Variants in CFAP77 observed in about 807,000 individuals in gnomAD.
The protein encoded by CFAP77 is cilia and flagella associated protein 77.
CFAP77 carries 25 observed loss-of-function variants against 31.1 expected under a neutral mutation model. The ratio of observed to expected loss-of-function variants is 0.80; its 90% CI spans 0.59 to 1.12. The LOEUF is 1.12. CFAP77 is among the 50% of genes most tolerant of loss of function. CFAP77 has a pLI of 0.00. For missense variants in CFAP77, 377 were observed against 397.3 expected, an observed-to-expected ratio of 0.95 and a Z score of 0.44; for synonymous variants, 151 against 159.9, an observed-to-expected ratio of 0.94 and a Z score of 0.42.
chr9:132,529,622 C>G (rs542154223), intron 3 of CFAP77, among the ~76,000 whole-genome samples: 9 of 151,414 alleles, frequency 5.9e-5, no homozygotes, highest in Admixed American at 2.0e-4. Flanking sequence ...GTCAGGAGAT[C>G]GAGACCATCC....
chr9:132,519,574 AGATG>A (rs1226920030), intron 3 of CFAP77, among the ~76,000 whole-genome samples: 7,027 of 41,626 alleles, frequency 0.17, 556 homozygotes, highest in East Asian at 0.21. Context: ...ATGGATGGAT[AGATG>A]GATGGATGGA....
At chr9:132,524,564 A>C (rs1443703391) in intron 3 of CFAP77, among the ~76,000 whole-genome samples, 1 of 151,938 alleles carries the variant, frequency 6.6e-6, no homozygotes, top group East Asian at 2.0e-4. Context: ...AGTGAGCAGG[A>C]ATTGTGCCAC....
At chr9:132,446,631 C>G (rs569962485) in intron 1 of CFAP77, among the ~76,000 whole-genome samples, 12 of 150,610 alleles carry the variant, frequency 8.0e-5, no homozygotes, top group African/African-American at 2.4e-4. Context: ...GTCCCAGCTA[C>G]TTGGGAGGCT....
At chr9:132,566,299 G>A (rs1829883177) in intron 5 of CFAP77, among the ~76,000 whole-genome samples, 1 of 152,240 alleles carries the variant, frequency 6.6e-6, no homozygotes, top group Non-Finnish European at 1.5e-5. Context: ...CTTGAGTCTT[G>A]CAGCCCTGGG....
At chr9:132,514,260 C>T (rs1480503822) in intron 3 of CFAP77, among the ~76,000 whole-genome samples, 1 of 152,074 alleles carries the variant, frequency 6.6e-6, no homozygotes, top group Non-Finnish European at 1.5e-5. Flanking sequence ...GGAGACGCCC[C>T]TCCCCTGTGT....
At chr9:132,561,838 A>C (rs1230948737) in intron 5 of CFAP77, among the ~76,000 whole-genome samples, 2 of 152,206 alleles carry the variant, frequency 1.3e-5, no homozygotes, top group Admixed American at 6.5e-5. Context: ...GGCAGTAAGA[A>C]GGCAAGGAAA....
At chr9:132,531,628 G>T (rs79202857) in intron 3 of CFAP77, among the ~76,000 whole-genome samples, 19 of 144,832 alleles carry the variant, frequency 1.3e-4, no homozygotes, top group East Asian at 5.9e-4. Context: ...TAAGACATGG[G>T]GGGGGGGGCA....
At chr9:132,493,654 C>A (rs948086566) in intron 1 of CFAP77, among the ~76,000 whole-genome samples, 1 of 152,162 alleles carries the variant, frequency 6.6e-6, no homozygotes, top group Non-Finnish European at 1.5e-5. Flanking sequence ...GTCACTGCCC[C>A]CACCCAGGGG....
chr9:132,444,705 G>T (rs542061331), intron 1 of CFAP77, among the ~76,000 whole-genome samples: 1 of 152,168 alleles, frequency 6.6e-6, no homozygotes, highest in Admixed American at 6.5e-5. Context: ...ACTTTTGCAG[G>T]TTATTGATCT....
intron 1 of CFAP77, among the ~76,000 whole-genome samples, chr9:132,426,675 A>T (rs955593824): frequency 1.3e-5 from 2 of 152,208 alleles, no homozygotes; most frequent in Non-Finnish European, 2.9e-5. Context: ...GTTTGTGCAG[A>T]GCGAGATTCC....
chr9:132,499,482 C>G lies in CFAP77; in HGVS notation c.406C>G (p.Arg136Gly), dbSNP rs149346027. 4 of 1,614,168 alleles carry G rather than the reference C, an allele frequency of 2.5e-6. No individual in the cohort carries two copies. The highest frequency in any genetic ancestry group is 3.4e-6 in the Non-Finnish European group (4 of 1,180,032). The change falls in exon 3 of 6, where the codon CGG becomes GGG. Residue 136 changes from arginine to glycine, a missense_variant. Physicochemically the swap from Arg to Gly is moderately radical, Grantham distance 125. Transcript: ENST00000393216. This position sits in a 1 kb window ranked among gnomAD's most constrained non-coding sequence, Gnocchi z 5.4. Reference sequence around the variant, plus strand: ...GGTGAAAGCCGGCCTGGTGACTGCCCGGGAGAACTTGCTCTACCGTCAGCT... The same window carrying G: ...GGTGAAAGCCGGCCTGGTGACTGCCGGGGAGAACTTGCTCTACCGTCAGCT... Reference protein sequence around the residue: ...GAVKAGLVTARENLLYRQLND... With the variant: ...GAVKAGLVTAGENLLYRQLND...
At chr9:132,471,463 A>C (rs935804879) in intron 1 of CFAP77, among the ~76,000 whole-genome samples, 1 of 146,440 alleles carries the variant, frequency 6.8e-6, no homozygotes, top group African/African-American at 2.5e-5. Context: ...ACCGTTGCCC[A>C]CACACACACA....
intron 1 of CFAP77, among the ~76,000 whole-genome samples, chr9:132,470,672 C>T (rs1208409503): frequency 2.6e-5 from 4 of 152,234 alleles, no homozygotes; most frequent in South Asian, 4.1e-4. Flanking sequence ...GTAGAGCCAT[C>T]GCAGGCTCTG....
intron 5 of CFAP77, among the ~76,000 whole-genome samples, chr9:132,556,527 C>A (rs1391360162): frequency 1.3e-5 from 2 of 152,102 alleles, no homozygotes. Flanking sequence ...CTTTCTCAGG[C>A]AGTTTTTGAA....
At chr9:132,450,125 T>TTTCATC (rs1850800518) in intron 1 of CFAP77, among the ~76,000 whole-genome samples, 2 of 150,760 alleles carry the variant, frequency 1.3e-5, no homozygotes, top group South Asian at 4.2e-4. Context: ...AGAGACGGGG[T>TTTCATC]TTCATCGTGG....
chr9:132,476,163 T>C (rs968703035), intron 1 of CFAP77, among the ~76,000 whole-genome samples: 5 of 152,182 alleles, frequency 3.3e-5, no homozygotes, highest in Non-Finnish European at 7.3e-5. Flanking sequence ...AAGACTTCCC[T>C]TGTGGCGTTC....
Position 132,545,738 on chromosome 9 carries a change from C to T in CFAP77, c.732+2691C>T, listed in dbSNP as rs1852719370. ...TATTTACCGAGCCCTTAGAATGCAC[C>T]CGGCGCTGAGCAGGTCTCATCTCAT... On this transcript the variant is annotated intron_variant, in intron 5 of 5. Transcript: ENST00000393216. This position sits in a 1 kb window ranked among gnomAD's most constrained non-coding sequence, Gnocchi z 4.6. 6.6e-6 allele frequency among the ~76,000 whole-genome samples: 1 copy of T among 152,170 alleles called. No homozygotes were observed. Among genetic ancestry groups the T allele is most frequent in the African/African-American group, 2.4e-5 (1 of 41,426 alleles).
At chr9:132,487,976 A>T (rs1851590996) in intron 1 of CFAP77, among the ~76,000 whole-genome samples, 1 of 152,218 alleles carries the variant, frequency 6.6e-6, no homozygotes, top group Non-Finnish European at 1.5e-5. Context: ...CCCCATGAGC[A>T]AAATGGTATG....
At position 132,481,971 on chromosome 9, in the gene CFAP77, G is replaced by C. The variant is rs979864886; in HGVS notation, c.196-16724G>C. Reference sequence around the variant, plus strand: ...AAGGGTTTATGGTTGGGGGGGGGGGGGGCGGCGGAACACTGAACATTTTTC... The same window carrying C: ...AAGGGTTTATGGTTGGGGGGGGGGGCGGCGGCGGAACACTGAACATTTTTC... On this transcript the variant is annotated intron_variant, in intron 1 of 5. Transcript: ENST00000393216. This position sits in a 1 kb window ranked among gnomAD's most constrained non-coding sequence, Gnocchi z 5.0. Among the ~76,000 whole-genome samples, 241 of 149,958 alleles carry C rather than the reference G, an allele frequency of 1.6e-3. 7 individuals are homozygous for C. Among genetic ancestry groups the C allele is most frequent in the Non-Finnish European group, 6.0e-4 (40 of 67,016 alleles).
Sources: allele counts gnomAD v4.1 joint callset (sites outside exome capture counted in the v4.1 genomes callset), GRCh38; gene constraint gnomAD v4.1.1; non-coding constraint Gnocchi (gnomAD v3.1); transcripts MANE v1.5; gene names NCBI Gene and HGNC (gene_info 2026-07-23, HGNC 2026-07-21).